The following PSG8 variants were observed in gnomAD, a reference collection of about 807,000 sequenced individuals.
PSG8 encodes pregnancy-specific beta-1-glycoprotein 8.
A neutral mutation model predicts 42.5 loss-of-function variants in PSG8; 57 were observed. The observed-to-expected ratio is 1.34, with a 90% confidence interval of 1.08 to 1.67. The LOEUF (loss-of-function observed/expected upper bound fraction) is 1.67. Among genes scored for constraint, PSG8 ranks in the 40% most tolerant of loss-of-function variants. PSG8 has a pLI of 0.00. For synonymous variants in PSG8, 280 were observed against 196.8 expected, an observed-to-expected ratio of 1.42 and a Z score of -3.54; for missense variants, 783 against 518.6, an observed-to-expected ratio of 1.51 and a Z score of -4.95.
chr19:42,758,137 T>C lies in PSG8; in HGVS notation c.574A>G (p.Arg192Gly), dbSNP rs776589569. The C allele has an allele frequency of 1.7e-5, 28 of 1,613,908 alleles. No individual in the cohort carries two copies. Among genetic ancestry groups the C allele is most frequent in the African/African-American group, 2.7e-5 (2 of 74,900 alleles). Residue 192 changes from arginine to glycine, a missense_variant, in exon 3 of 5, where the codon AGG (arginine) becomes GGG (glycine). By Grantham distance (125) the Arg-to-Gly change is moderately radical. Transcript: ENST00000306511. ...CTGTTGGTTTCAGACAACTGCAACC[T>C]GTGAGACATAGGGAGGCTCTGACCA... The part of the protein sequence containing the change: ...MNGQSLPMSH[R>G]LQLSETNRTL...
intron 2 of PSG8, chr19:42,758,933 A>C (rs1970004155): frequency 6.4e-6 from 1 of 156,948 alleles, no homozygotes; most frequent in Admixed American, 6.0e-5. Flanking sequence ...GCAGAGTCCA[A>C]GGAATGACCT....
At chr19:42,753,641 G>T (rs866219613), downstream of PSG8, among the ~76,000 whole-genome samples, 21 of 152,136 alleles carry the variant, frequency 1.4e-4, no homozygotes, top group African/African-American at 5.1e-4. Context: ...GTTTTTATAA[G>T]GAATCTGAGA....
In PSG8 at chr19:42,754,298, A is replaced by G; in HGVS notation, c.1278T>C (p.Ile426=). 2.5e-6 allele frequency: 4 copies of G among 1,613,216 alleles called. No homozygotes were observed. Among genetic ancestry groups the G allele is most frequent in the Non-Finnish European group, 3.4e-6 (4 of 1,179,556 alleles). The change falls in exon 5 of 5, where the codon ATT becomes ATC. Residue 426 remains isoleucine, a synonymous_variant. Transcript: ENST00000306511. Reference sequence around the variant, plus strand: ...CTGAAGGCCAGATAGACTCCACCTAAATCCCTATTGCCAAGGATACTGGGA... The same window carrying G: ...CTGAAGGCCAGATAGACTCCACCTAGATCCCTATTGCCAAGGATACTGGGA... ...KRIPVSLAIG[I] is the part of the protein sequence containing the mutation.
At position 42,754,338 on chromosome 19, in the gene PSG8, A is replaced by T; in HGVS notation, c.1238T>A (p.Val413Asp). 1.9e-6 allele frequency: 3 copies of T among 1,613,736 alleles called. No homozygotes were observed. Among genetic ancestry groups the T allele is most frequent in the Non-Finnish European group, 2.5e-6 (3 of 1,179,772 alleles). Residue 413 changes from valine (V) to aspartate (D), a missense_variant, in exon 5 of 5, where the codon GTC becomes GAC. Transcript: ENST00000306511. Reference protein sequence around the residue: ...KESSKSMTVKVSGKRIPVSLA... With the variant: ...KESSKSMTVKDSGKRIPVSLA... ...GGATACTGGGATCCGCTTACCAGAG[A>T]CTTTTACTGTCATGGATTTGGAGCT...
In PSG8 at chr19:42,755,046, A is replaced by G. The variant is rs142609328; in HGVS notation, c.930T>C (p.Cys310=). The G allele has an allele frequency of 1.4e-5, 22 of 1,612,972 alleles. No homozygotes were observed. In the African/African-American group the frequency reaches 2.0e-4, roughly 15 times the overall value. The change falls in exon 4 of 5, where the codon TGT becomes TGC. Residue 310 remains cysteine (C), a synonymous_variant. Transcript: ENST00000306511. ...TGCCACCATATTGGTCCCTTATTTCACATTGATAGGGTCCTGTTTCATTTC... is the reference window on the plus strand; with the variant it reads ...TGCCACCATATTGGTCCCTTATTTCGCATTGATAGGGTCCTGTTTCATTTC... ...VTRNETGPYQ[C]EIRDQYGGIR...
Position 42,754,327 on chromosome 19 carries a change from G to T in PSG8, c.1249C>A (p.Arg417=), listed in dbSNP as rs146638942. ...KSMTVKVSGK[R]IPVSLAIGI ...CCTATTGCCAAGGATACTGGGATCC[G>T]CTTACCAGAGACTTTTACTGTCATG... is the stretch of plus-strand genomic sequence containing the variant. Residue 417 remains arginine, a synonymous_variant, in exon 5 of 5, where the codon CGG becomes AGG. Transcript: ENST00000306511. The T allele has an allele frequency of 1.6e-4, 261 of 1,613,630 alleles. 2 individuals are homozygous for T. The highest frequency in any genetic ancestry group is 2.1e-4 in the Non-Finnish European group (249 of 1,179,784).
chr19:42,759,087 C>G (rs1246040950), intron 2 of PSG8: 1 of 152,042 alleles, frequency 6.6e-6, no homozygotes, highest in Non-Finnish European at 1.5e-5. Context: ...TGGATGTTTG[C>G]AAATGCAGAA....
chr19:42,758,505 A>T, intron 2 of PSG8: 1 of 1,002,510 alleles, frequency 1.0e-6, no homozygotes, highest in Non-Finnish European at 1.4e-6. Context: ...GTGTGAATTG[A>T]GCAGCAGCAT....
chr19:42,763,735 G>T (rs943698791), intron 2 of PSG8, 181 bp downstream of exon 2: 3 of 1,240,646 alleles, frequency 2.4e-6, no homozygotes, highest in South Asian at 1.3e-5. Context: ...ATGCGGGAAA[G>T]GAATTCTGAT....
chr19:42,760,573 C>A (rs1033723711), intron 2 of PSG8, among the ~76,000 whole-genome samples: 1 of 151,956 alleles, frequency 6.6e-6, no homozygotes, highest in African/African-American at 2.4e-5. Flanking sequence ...AAGCATTCTT[C>A]ATTTCTCTAA....
chr19:42,755,224 G>A lies in PSG8; in HGVS notation c.752C>T (p.Pro251Leu), dbSNP rs1969892271. The change falls in exon 4 of 5, where the codon CCC becomes CTC. Residue 251 changes from proline to leucine, a missense_variant. Physicochemically the swap from Pro to Leu is moderately conservative, Grantham distance 98. Coordinates refer to ENST00000306511, the MANE Select transcript of PSG8 (RefSeq NM_182707.3). ...GTTTAAGACATCCTTATTCTCCCTG[G>A]GTTTTAAGTTGTTGATGGTGATGTA... ...KPYITINNLK[P>L]RENKDVLNFT... 5.0e-6 allele frequency: 8 copies of A among 1,612,078 alleles called. No homozygotes were observed. Among genetic ancestry groups the A allele is most frequent in the Non-Finnish European group, 6.8e-6 (8 of 1,179,786 alleles).
downstream of PSG8, chr19:42,752,928 C>T (rs540446529): frequency 1.3e-4 from 40 of 312,372 alleles, no homozygotes; most frequent in East Asian, 2.4e-3. Context: ...GCCACATTTC[C>T]CCCTGAGATG....
chr19:42,757,526 G>A (rs1969956361), intron 3 of PSG8, among the ~76,000 whole-genome samples: 1 of 152,112 alleles, frequency 6.6e-6, no homozygotes, highest in Non-Finnish European at 1.5e-5. Flanking sequence ...CTGTGAGGCA[G>A]GAGAGCTTGG....
At chr19:42,764,552 C>A (rs1970167714) in intron 1 of PSG8, among the ~76,000 whole-genome samples, 1 of 151,984 alleles carries the variant, frequency 6.6e-6, no homozygotes, top group South Asian at 2.1e-4. Context: ...TGTTTGCAAT[C>A]CTCTTCCCCA....
chr19:42,754,669 C>A (rs1471070074), intron 4 of PSG8, 82 bp from the exon 5 acceptor site: 3 of 1,493,662 alleles, frequency 2.0e-6, no homozygotes, highest in East Asian at 2.3e-5. Context: ...ACACAGTGAC[C>A]CTCTGAGCCA....
downstream of PSG8, chr19:42,753,887 C>T (rs987632678): frequency 2.2e-5 from 11 of 492,330 alleles, no homozygotes; most frequent in Non-Finnish European, 4.0e-5. Context: ...TGAATAGTTG[C>T]CCAATTCTGG....
chr19:42,765,525 C>G lies in PSG8; in HGVS notation c.57G>C (p.Leu19=), dbSNP rs752003225. 3.7e-6 allele frequency: 6 copies of G among 1,610,868 alleles called. No individual in the cohort carries two copies. Among genetic ancestry groups the G allele is most frequent in the Middle Eastern group, 1.7e-4 (1 of 6,044 alleles). The change falls in exon 1 of 5, where the codon CTG becomes CTC. Residue 19 remains leucine, a synonymous_variant. Transcript: ENST00000306511. The stretch of plus-strand genomic sequence containing the variant: ...AGGAGGTTCTCTCCTCACCTGTGAG[C>G]AGGAGCCCCTTCCAGGTGATGCGCT... ...CTQRITWKGL[L]LTASLLNFWN...
intron 1 of PSG8, among the ~76,000 whole-genome samples, chr19:42,764,982 T>G (rs768870210): frequency 6.6e-6 from 1 of 152,090 alleles, no homozygotes; most frequent in African/African-American, 2.4e-5. Flanking sequence ...ATTATTATCA[T>G]ATTTCAAAAT....
rs769055870 is a variant in PSG8, at chr19:42,754,317, A to G, written c.1259T>C (p.Val420Ala). ...TVKVSGKRIP[V>A]SLAIGI ...CACCTAAATCCCTATTGCCAAGGAT[A>G]CTGGGATCCGCTTACCAGAGACTTT... Residue 420 changes from valine (V) to alanine (A), a missense_variant, in exon 5 of 5, where the codon GTA becomes GCA. Transcript: ENST00000306511. The G allele has an allele frequency of 3.7e-6, 6 of 1,613,752 alleles. No homozygotes were observed. The highest frequency in any genetic ancestry group is 4.2e-6 in the Non-Finnish European group (5 of 1,179,786).
Sources: gnomAD v4.1 joint callset for allele counts (sites outside exome capture counted in the v4.1 genomes callset) on GRCh38, gnomAD v4.1.1 for gene constraint, MANE v1.5 for transcripts, NCBI Gene and HGNC (gene_info 2026-07-23, HGNC 2026-07-21) for gene names.